The following CDYL2 variants were observed in gnomAD, a reference collection of about 807,000 sequenced individuals.
CDYL2 encodes the protein chromodomain Y-like protein 2.
In CDYL2, 23 loss-of-function variants were observed where a neutral mutation model predicts 49.4. The observed-to-expected ratio is 0.47, with a 90% CI of 0.34 to 0.66. The LOEUF (loss-of-function observed/expected upper bound fraction) is 0.66, where lower values mean the gene tolerates loss of function less well. Ranked by LOEUF, CDYL2 falls within the 30% of genes least tolerant of loss-of-function variation. The pLI is 0.01. For missense variants in CDYL2, 678 were observed against 656.4 expected (o/e 1.03, Z -0.36); for synonymous variants, 360 against 268.8 (o/e 1.34, Z -3.32).
At chr16:80,708,636 A>T (rs996585914) in intron 1 of CDYL2, among the ~76,000 whole-genome samples, 2 of 152,152 alleles carry the variant, frequency 1.3e-5, no homozygotes, top group African/African-American at 2.4e-5. Context: ...AGAAAACTCA[A>T]CCTGTCCCAC....
intron 1 of CDYL2, among the ~76,000 whole-genome samples, chr16:80,745,422 T>C (rs1269699758): frequency 6.6e-6 from 1 of 151,984 alleles, no homozygotes; most frequent in Non-Finnish European, 1.5e-5. Context: ...GAATCAAGAG[T>C]GCCCGCAGTA....
intron 1 of CDYL2, chr16:80,742,317 GAATT>G (rs1279562746): frequency 6.6e-6 from 1 of 152,222 alleles, no homozygotes; most frequent in Non-Finnish European, 1.5e-5. Flanking sequence ...TCACTTGACA[GAATT>G]AATGGATGGA....
chr16:80,638,437 C>G (rs1328296199), intron 2 of CDYL2, among the ~76,000 whole-genome samples: 1 of 152,128 alleles, frequency 6.6e-6, no homozygotes, highest in African/African-American at 2.4e-5. Flanking sequence ...AATGTAATCC[C>G]AATTCAAATC....
chr16:80,797,907 A>C (rs76037960), intron 1 of CDYL2, among the ~76,000 whole-genome samples: 3,316 of 152,320 alleles, frequency 0.022, 131 homozygotes, highest in African/African-American at 0.076. Context: ...TTGAAGGACA[A>C]TCTGGGAATA....
intron 1 of CDYL2, among the ~76,000 whole-genome samples, chr16:80,801,416 T>C (rs1282440446): frequency 2.6e-5 from 4 of 152,258 alleles, no homozygotes; most frequent in African/African-American, 9.6e-5. Context: ...AACTGCTTTA[T>C]GGAGGTTCAC....
intron 1 of CDYL2, among the ~76,000 whole-genome samples, chr16:80,748,330 T>A (rs1444254675): frequency 1.3e-5 from 2 of 148,238 alleles, no homozygotes; most frequent in African/African-American, 4.9e-5. Context: ...GTCGAGACCA[T>A]CCTGACTAAC....
At chr16:80,730,578 G>C (rs1905292656) in intron 1 of CDYL2, among the ~76,000 whole-genome samples, 2 of 151,902 alleles carry the variant, frequency 1.3e-5, no homozygotes, top group Non-Finnish European at 1.5e-5. Flanking sequence ...TAGAAAAAGA[G>C]GGAATCCTCC....
chr16:80,794,589 T>C (rs1175859358), intron 1 of CDYL2, among the ~76,000 whole-genome samples: 1 of 150,794 alleles, frequency 6.6e-6, no homozygotes, highest in Non-Finnish European at 1.5e-5. Flanking sequence ...AATTATTACA[T>C]TCCCAGTGAT....
At chr16:80,685,419 T>C (rs1231409259) in intron 1 of CDYL2, among the ~76,000 whole-genome samples, 4 of 152,208 alleles carry the variant, frequency 2.6e-5, no homozygotes, top group African/African-American at 9.6e-5. Flanking sequence ...AGGCTTACTT[T>C]TATTTGAAAT....
chr16:80,789,021 T>A (rs889989829), intron 1 of CDYL2, among the ~76,000 whole-genome samples: 9 of 152,056 alleles, frequency 5.9e-5, no homozygotes, highest in African/African-American at 2.2e-4. Context: ...TATTAAAAAA[T>A]GCTCAACATC....
chr16:80,606,292 C>CA lies in CDYL2; in HGVS notation c.1363-1747dup, dbSNP rs1411067755. On this transcript the variant is annotated intron_variant, in intron 6 of 6. Coordinates refer to ENST00000570137, the MANE Select transcript of CDYL2 (RefSeq NM_152342.4). ...TAGTTCCTTTCTTGGGAAACCCCCCCAGCATTCCTGAATTCACAGCTTTTG... is the reference window on the plus strand; with the variant it reads ...TAGTTCCTTTCTTGGGAAACCCCCCCAAGCATTCCTGAATTCACAGCTTTTG... Among the ~76,000 whole-genome samples the CA allele has an allele frequency of 2.0e-5, 3 of 152,342 alleles. No individual in the cohort carries two copies. The East Asian group carries it at 5.8e-4, about 29-fold the overall frequency.
At chr16:80,785,970 G>C (rs939685051) in intron 1 of CDYL2, among the ~76,000 whole-genome samples, 91 of 152,142 alleles carry the variant, frequency 6.0e-4, no homozygotes, top group African/African-American at 2.0e-3. Context: ...ACTCAAGATG[G>C]ATCAAAGACT....
intron 3 of CDYL2, among the ~76,000 whole-genome samples, chr16:80,626,225 C>T (rs992459223): frequency 1.1e-4 from 16 of 142,868 alleles, no homozygotes; most frequent in African/African-American, 3.2e-4. Flanking sequence ...TGCAGTGAAC[C>T]GAGATCGTAC....
chr16:80,755,575 T>C (rs1290988419), intron 1 of CDYL2, among the ~76,000 whole-genome samples: 1 of 152,216 alleles, frequency 6.6e-6, no homozygotes, highest in Non-Finnish European at 1.5e-5. Flanking sequence ...CTCATTTTGC[T>C]TCTAGAAACT....
chr16:80,787,222 G>A (rs1352963153), intron 1 of CDYL2, among the ~76,000 whole-genome samples: 1 of 152,188 alleles, frequency 6.6e-6, no homozygotes, highest in Non-Finnish European at 1.5e-5. Flanking sequence ...AGAAATGAGT[G>A]CCTTGAATGG....
intron 1 of CDYL2, among the ~76,000 whole-genome samples, chr16:80,745,627 T>G (rs1369699266): frequency 1.3e-5 from 2 of 152,204 alleles, no homozygotes; most frequent in Non-Finnish European, 2.9e-5. Context: ...GCTGTTATAA[T>G]TATTGTTGTT....
chr16:80,617,701 A>C (rs905330420), intron 4 of CDYL2, among the ~76,000 whole-genome samples: 23 of 152,104 alleles, frequency 1.5e-4, no homozygotes, highest in African/African-American at 5.6e-4. Flanking sequence ...CATCTTCTGC[A>C]CTTCCATCCA....
intron 6 of CDYL2, among the ~76,000 whole-genome samples, chr16:80,606,938 C>G (rs968942787): frequency 2.0e-5 from 3 of 152,178 alleles, no homozygotes; most frequent in African/African-American, 7.2e-5. Flanking sequence ...AACAGTGAAT[C>G]TATTCAACCT....
At position 80,752,326 on chromosome 16, in the gene CDYL2, C is replaced by G. The variant is rs1266165105; in HGVS notation, c.24+51824G>C. Among the ~76,000 whole-genome samples, 7 of 151,886 alleles carry G rather than the reference C, an allele frequency of 4.6e-5. No homozygotes were observed. In the South Asian group the frequency reaches 6.2e-4, roughly 14 times the overall value. ...AAGTCTGTGTCTGTCTGACTGGTGT[C>G]CTAGAAGAGGAATAAAGAAAGAACA... On this transcript the variant is annotated intron_variant, in intron 1 of 6. Transcript: ENST00000570137.
Sources: allele counts gnomAD v4.1 joint callset (sites outside exome capture counted in the v4.1 genomes callset), GRCh38; gene constraint gnomAD v4.1.1; transcripts MANE v1.5; gene names NCBI Gene and HGNC (gene_info 2026-07-23, HGNC 2026-07-21).